Variants in TMED10 observed in about 807,000 individuals in gnomAD.
TMED10 encodes transmembrane emp24 domain-containing protein 10.
Under a neutral mutation model 23.1 loss-of-function variants are expected in TMED10, and 7 were observed. The observed-to-expected ratio is 0.30, with a 90% confidence interval of 0.17 to 0.57. The LOEUF (loss-of-function observed/expected upper bound fraction) is 0.57, where lower values mean the gene tolerates loss of function less well. Ranked by LOEUF, TMED10 falls within the 20% of genes least tolerant of loss-of-function variation. The probability of loss-of-function intolerance (pLI) is 0.91; values close to 1 mark genes in which losing one functional copy is unlikely to be tolerated. For missense variants in TMED10, 162 were observed against 274.8 expected (o/e 0.59, Z 2.90); for synonymous variants, 113 against 106.9 (o/e 1.06, Z -0.35).
In TMED10 at chr14:75,170,227, A is replaced by G. The variant is rs140879514; in HGVS notation, c.225+6128T>C. ...TGGGTGAAAGCGAGACTCCATCTCA[A>G]CAAAAAAAGAAAAAGTGGAACTAAG... On this transcript the variant is annotated intron_variant, in intron 1 of 4. Coordinates refer to ENST00000303575, the MANE Select transcript of TMED10 (RefSeq NM_006827.6). Among the ~76,000 whole-genome samples the G allele has an allele frequency of 4.6e-5, 7 of 152,304 alleles. No homozygotes were observed. In the East Asian group the frequency reaches 9.6e-4, roughly 21 times the overall value.
rs144210097 is a variant in TMED10 at position 75,146,146 on chromosome 14, C to A, written c.411+1518G>T. 7.2e-5 allele frequency among the ~76,000 whole-genome samples: 11 copies of A among 152,308 alleles called. No homozygotes were observed. In the East Asian group the frequency reaches 1.9e-3, roughly 27 times the overall value. On this transcript the variant is annotated intron_variant, in intron 3 of 4. Transcript: ENST00000303575. ...AAACTAGCCTGGAAACAGAAACAAA[C>A]AATTGAAAATTCTCTACCGGAAACT...
intron 3 of TMED10, among the ~76,000 whole-genome samples, chr14:75,145,034 G>A (rs1895865636): frequency 6.6e-6 from 1 of 152,228 alleles, no homozygotes; most frequent in African/African-American, 2.4e-5. Flanking sequence ...TTCGGACTGT[G>A]TCATAGCCAT....
At chr14:75,135,926 C>G (rs368374887) in intron 3 of TMED10, 40 bp from the exon 4 acceptor site, 27 of 1,608,632 alleles carry the variant, frequency 1.7e-5, no homozygotes, top group African/African-American at 2.7e-5. Context: ...CTGAAAACAT[C>G]GCTTCAGTCA....
chr14:75,143,003 C>T (rs531967982), intron 3 of TMED10, among the ~76,000 whole-genome samples: 9 of 152,182 alleles, frequency 5.9e-5, no homozygotes, highest in African/African-American at 2.2e-4. Flanking sequence ...GGATTACAGG[C>T]GCCTGCCACC....
At chr14:75,136,070 G>C (rs556289856) in intron 3 of TMED10, among the ~76,000 whole-genome samples, 184 bp from the exon 4 acceptor site, 34 of 152,234 alleles carry the variant, frequency 2.2e-4, no homozygotes, top group Non-Finnish European at 2.9e-4. Flanking sequence ...TTCCATTTCA[G>C]ACCTTTTTTG....
chr14:75,164,942 G>A (rs1176751971), intron 1 of TMED10, among the ~76,000 whole-genome samples: 1 of 151,958 alleles, frequency 6.6e-6, no homozygotes, highest in Non-Finnish European at 1.5e-5. Flanking sequence ...CCTTTTAGCT[G>A]ATAAAAAGAG....
chr14:75,174,727 T>A (rs1178281670), intron 1 of TMED10, among the ~76,000 whole-genome samples: 1 of 152,128 alleles, frequency 6.6e-6, no homozygotes, highest in Non-Finnish European at 1.5e-5. Flanking sequence ...TATGGTCTTA[T>A]TATATCTGAA....
intron 3 of TMED10, among the ~76,000 whole-genome samples, chr14:75,139,772 A>G (rs758960799): frequency 1.1e-4 from 16 of 152,144 alleles, no homozygotes; most frequent in Non-Finnish European, 1.2e-4. Flanking sequence ...ACCTTCACTC[A>G]TGATACTAAT....
At chr14:75,136,538 G>C (rs924728240) in intron 3 of TMED10, among the ~76,000 whole-genome samples, 1 of 152,160 alleles carries the variant, frequency 6.6e-6, no homozygotes. Context: ...TACAATAAAT[G>C]TGGGAGTCAT....
chr14:75,145,562 C>G (rs1895872931), intron 3 of TMED10, among the ~76,000 whole-genome samples: 3 of 152,132 alleles, frequency 2.0e-5, no homozygotes, highest in Admixed American at 2.0e-4. Context: ...CCAAGACAGG[C>G]AGATCACGAG....
intron 1 of TMED10, among the ~76,000 whole-genome samples, chr14:75,164,573 A>ATTTTTT (rs1896135580): frequency 6.0e-4 from 2 of 3,318 alleles, no homozygotes; most frequent in Admixed American, 4.0e-3. Flanking sequence ...ATATATATAT[A>ATTTTTT]TATATTTTTT....
In TMED10 at chr14:75,133,615, A is replaced by G. The variant is rs1895713369; in HGVS notation, c.*1270T>C. ...GTAGGGTAGTTTCTTACAAAAATATATGTGTTTACCATACAACCCAACAGT... is the reference window on the plus strand; with the variant it reads ...GTAGGGTAGTTTCTTACAAAAATATGTGTGTTTACCATACAACCCAACAGT... On this transcript the variant is annotated 3_prime_UTR_variant, in exon 5 of 5. Transcript: ENST00000303575. 6.5e-6 allele frequency: 1 copy of G among 152,892 alleles called. No individual in the cohort carries two copies. The highest frequency in any genetic ancestry group is 1.5e-5 in the Non-Finnish European group (1 of 68,410). The allele number at this position is 152,892 out of a possible 1,614,324, so 9.5% of individuals were successfully genotyped here.
intron 1 of TMED10, among the ~76,000 whole-genome samples, chr14:75,162,202 T>A (rs557153697): frequency 6.6e-6 from 1 of 152,064 alleles, no homozygotes; most frequent in Admixed American, 6.5e-5. Flanking sequence ...GAGGCAGAGG[T>A]TGCAGTGAGA....
At chr14:75,169,910 T>C (rs1033315702) in intron 1 of TMED10, among the ~76,000 whole-genome samples, 12 of 152,084 alleles carry the variant, frequency 7.9e-5, no homozygotes, top group African/African-American at 2.7e-4. Flanking sequence ...GGGAGAATCC[T>C]TGAAGCAGTC....
Position 75,133,988 on chromosome 14 carries a change from C to T in TMED10, c.*897G>A, listed in dbSNP as rs569125799. On this transcript the variant is annotated 3_prime_UTR_variant, in exon 5 of 5. Transcript: ENST00000303575. ...GGAATTATGCTGAATGAAAAAAGAT[C>T]AGCCTCGTAAGATTACATTCTGTAT... 4 of 229,956 alleles carry T rather than the reference C, an allele frequency of 1.7e-5. No homozygotes were observed. Among genetic ancestry groups the T allele is most frequent in the Non-Finnish European group, 3.5e-5 (4 of 115,490 alleles). 14.2% of individuals were successfully genotyped at this position (229,956 alleles called of 1,614,324 possible). A position where few individuals can be genotyped will look rare whatever the true frequency, so the allele number is the denominator to read the frequency against.
chr14:75,158,691 G>A (rs993081491), intron 1 of TMED10, among the ~76,000 whole-genome samples: 1 of 151,896 alleles, frequency 6.6e-6, no homozygotes, highest in Non-Finnish European at 1.5e-5. Flanking sequence ...TTGGGAGGCC[G>A]AGGCGGGCAG....
chr14:75,171,504 T>G (rs1896232921), intron 1 of TMED10, among the ~76,000 whole-genome samples: 1 of 152,128 alleles, frequency 6.6e-6, no homozygotes. Flanking sequence ...GGTCTCAAAC[T>G]CCTAACCTTC....
At chr14:75,135,124 C>A in intron 4 of TMED10, 118 bp from the exon 5 acceptor site, 2 of 1,309,214 alleles carry the variant, frequency 1.5e-6, no homozygotes, top group Non-Finnish European at 2.1e-6. Flanking sequence ...CTAGGTCTAA[C>A]AGTAGGATTT....
intron 2 of TMED10, among the ~76,000 whole-genome samples, chr14:75,148,818 C>T (rs1275949314): frequency 3.3e-5 from 5 of 152,218 alleles, no homozygotes; most frequent in East Asian, 1.9e-4. Context: ...AGATATGCTA[C>T]GGCTTCGATG....
Sources: allele counts gnomAD v4.1 joint callset (sites outside exome capture counted in the v4.1 genomes callset), GRCh38; gene constraint gnomAD v4.1.1; transcripts MANE v1.5; gene names NCBI Gene and HGNC (gene_info 2026-07-23, HGNC 2026-07-21).